The following EPB41L3 variants were observed in gnomAD, a reference collection of about 807,000 sequenced individuals.
EPB41L3 encodes the protein band 4.1-like protein 3.
A neutral mutation model predicts 127.1 loss-of-function variants in EPB41L3; 57 were observed. The observed-to-expected ratio is 0.45, with a 90% confidence interval of 0.36 to 0.56. EPB41L3 has a LOEUF of 0.56. Among genes scored for constraint, EPB41L3 ranks in the 20% least tolerant of loss-of-function variants. EPB41L3 has a pLI of 0.00. For synonymous variants in EPB41L3, 572 were observed against 549.5 expected, an observed-to-expected ratio of 1.04 and a Z score of -0.57; for missense variants, 1,273 against 1,372.2, an observed-to-expected ratio of 0.93 and a Z score of 1.14.
chr18:5,579,814 C>T (rs2094374050), intron 3 of EPB41L3, among the ~76,000 whole-genome samples: 1 of 152,148 alleles, frequency 6.6e-6, no homozygotes, highest in East Asian at 1.9e-4. Flanking sequence ...ATACTGTAAC[C>T]AATGTCTCTA....
chr18:5,496,319 A>G (rs1378173146), intron 1 of EPB41L3, among the ~76,000 whole-genome samples: 1 of 152,224 alleles, frequency 6.6e-6, no homozygotes, highest in Non-Finnish European at 1.5e-5. Context: ...CAGCGCATAA[A>G]TTTGCCTATG....
At chr18:5,602,235 T>C (rs1041969813) in intron 3 of EPB41L3, among the ~76,000 whole-genome samples, 6 of 152,198 alleles carry the variant, frequency 3.9e-5, no homozygotes, top group African/African-American at 1.4e-4. Flanking sequence ...TCCTGTAGTA[T>C]ACACACTAAC....
intron 5 of EPB41L3, among the ~76,000 whole-genome samples, chr18:5,439,378 A>G (rs2080336300): frequency 6.6e-6 from 1 of 152,216 alleles, no homozygotes; most frequent in South Asian, 2.1e-4. Context: ...CCAAACATTC[A>G]GAAGAAGGTA....
chr18:5,464,408 A>G (rs1266106350), intron 3 of EPB41L3, among the ~76,000 whole-genome samples: 1 of 152,184 alleles, frequency 6.6e-6, no homozygotes, highest in East Asian at 1.9e-4. Context: ...GGCTTTCTAC[A>G]CATCAGCCCT....
In EPB41L3 at chr18:5,406,789, A is replaced by G; in HGVS notation, c.2337T>C (p.Leu779=). The change falls in exon 16 of 23, where the codon CTT becomes CTC. Residue 779 remains leucine (L), a synonymous_variant. Transcript: ENST00000341928. The stretch of plus-strand genomic sequence containing the variant: ...CCTGACTACTGACCTCTTCAGGGAC[A>G]AGTGGTTCGATCATGGGGGCATCCT... ...RQEDAPMIEP[L]VPEETKQSSG... is the part of the protein sequence containing the mutation. 2 of 1,614,004 alleles carry G rather than the reference A, an allele frequency of 1.2e-6. No homozygotes were observed. The highest frequency in any genetic ancestry group is 1.7e-6 in the Non-Finnish European group (2 of 1,179,934).
At chr18:5,453,986 CT>C (rs1459030018) in intron 3 of EPB41L3, among the ~76,000 whole-genome samples, 1 of 152,084 alleles carries the variant, frequency 6.6e-6, no homozygotes, top group African/African-American at 2.4e-5. Context: ...TTGAACTTGT[CT>C]TTATTTCTAA....
At chr18:5,437,353 C>T (rs2080006743) in intron 6 of EPB41L3, among the ~76,000 whole-genome samples, 1 of 152,184 alleles carries the variant, frequency 6.6e-6, no homozygotes, top group Non-Finnish European at 1.5e-5. Flanking sequence ...TCACCAGGAC[C>T]TGACCTGCGG....
chr18:5,482,915 T>A (rs1206501354), intron 2 of EPB41L3, among the ~76,000 whole-genome samples: 1 of 152,124 alleles, frequency 6.6e-6, no homozygotes, highest in Non-Finnish European at 1.5e-5. Context: ...AAAATGAACC[T>A]TTCAATGTAT....
At position 5,539,747 on chromosome 18, in the gene EPB41L3, T is replaced by A. The variant is rs1201214602; in HGVS notation, c.-12+4166A>T. ...TGAAATATACTTTATTGCTTCCGAATTTCAGTCTTATCATTTATTCAACAC... is the reference window on the plus strand; with the variant it reads ...TGAAATATACTTTATTGCTTCCGAAATTCAGTCTTATCATTTATTCAACAC... On this transcript the variant is annotated intron_variant, in intron 1 of 22. Coordinates refer to ENST00000341928, the MANE Select transcript of EPB41L3 (RefSeq NM_012307.5). 2.6e-5 allele frequency: 4 copies of A among 152,360 alleles called. No homozygotes were observed. The East Asian group carries it at 7.7e-4, about 29-fold the overall frequency. 9.4% of individuals were successfully genotyped at this position (152,360 alleles called of 1,614,324 possible).
At chr18:5,418,056 G>A (rs527717662) in intron 12 of EPB41L3, among the ~76,000 whole-genome samples, 2 of 152,128 alleles carry the variant, frequency 1.3e-5, no homozygotes, top group South Asian at 4.1e-4. Context: ...TTTGAAGAAG[G>A]AGAAGGATAA....
intron 3 of EPB41L3, among the ~76,000 whole-genome samples, chr18:5,551,450 C>G (rs2093962544): frequency 6.6e-6 from 1 of 152,152 alleles, no homozygotes; most frequent in African/African-American, 2.4e-5. Context: ...GAAGGCTGGG[C>G]ACGGTGGCTC....
chr18:5,497,595 C>G (rs992887447), intron 1 of EPB41L3, among the ~76,000 whole-genome samples: 3 of 152,154 alleles, frequency 2.0e-5, no homozygotes, highest in African/African-American at 7.2e-5. Flanking sequence ...AGACTACCAA[C>G]AAACAAGCGT....
rs114828432 is a variant in EPB41L3 at position 5,489,458 on chromosome 18, G to A, written c.-11-264C>T. The A allele has an allele frequency of 2.2e-3, 908 of 410,392 alleles. 8 individuals are homozygous for A. Among genetic ancestry groups the A allele is most frequent in the African/African-American group, 0.017 (826 of 47,692 alleles). 25.4% of individuals were successfully genotyped at this position (410,392 alleles called of 1,614,324 possible). ...CAGGCTTTATTCCTATTAGATTTTT[G>A]CCACAACGGATTGTTAAATGACATT... On this transcript the variant is annotated intron_variant, in intron 1 of 22. Transcript: ENST00000341928.
intron 1 of EPB41L3, among the ~76,000 whole-genome samples, chr18:5,509,598 C>A (rs1010209189): frequency 6.6e-6 from 1 of 152,188 alleles, no homozygotes; most frequent in Non-Finnish European, 1.5e-5. Flanking sequence ...TGGCTTCACA[C>A]AAAGAAACCG....
Position 5,419,759 on chromosome 18 carries a change from C to T in EPB41L3, c.1458G>A (p.Arg486=), listed in dbSNP as rs757113359. 6 of 1,614,226 alleles carry T rather than the reference C, an allele frequency of 3.7e-6. No individual in the cohort carries two copies. Among genetic ancestry groups the T allele is most frequent in the Admixed American group, 1.7e-5 (1 of 60,032 alleles). Residue 486 remains arginine (R), a synonymous_variant, in exon 12 of 23, where the codon AGG becomes AGA. Coordinates refer to ENST00000341928, the MANE Select transcript of EPB41L3 (RefSeq NM_012307.5). ...AGATGGGCGTGACTTCTTCCCCCTT[C>T]CTCCGTTTGTCCTCTTCCTCGTCCC... The part of the protein sequence containing the change: ...EERDEEEDKR[R]KGEEVTPISA...
chr18:5,433,532 C>A lies in EPB41L3; in HGVS notation c.849G>T (p.Glu283Asp). Residue 283 changes from glutamate (E) to aspartate (D), a missense_variant, in exon 8 of 23, where the codon GAG (glutamate) becomes GAT (aspartate). By Grantham distance (45) the Glu-to-Asp change is conservative. Transcript: ENST00000341928. The part of the protein sequence containing the change: ...SHRGMTPAEA[E>D]MHFLENAKKL... ...TTTTGGCATTTTCCAAGAAATGCAT[C>A]TCTGCTTCTGCTGGCGTCATTCCTC... 1 of 1,613,226 alleles carries A rather than the reference C, an allele frequency of 6.2e-7. No individual in the cohort carries two copies. Among genetic ancestry groups the A allele is most frequent in the Non-Finnish European group, 8.5e-7 (1 of 1,179,822 alleles).
At chr18:5,565,555 T>C (rs1167768245) in intron 3 of EPB41L3, among the ~76,000 whole-genome samples, 2 of 151,512 alleles carry the variant, frequency 1.3e-5, no homozygotes, top group Non-Finnish European at 2.9e-5. Context: ...GCTGCACCCA[T>C]TAACTCGTCA....
intron 12 of EPB41L3, among the ~76,000 whole-genome samples, chr18:5,418,983 G>A (rs2077148465): frequency 6.6e-6 from 1 of 151,998 alleles, no homozygotes; most frequent in South Asian, 2.1e-4. Flanking sequence ...TTATTATTAG[G>A]TATAAGCCTC....
chr18:5,478,519 GCTTT>G lies in EPB41L3; in HGVS notation c.184-85_184-82del, dbSNP rs2087713083. On this transcript the variant is annotated intron_variant, in intron 2 of 22. Coordinates refer to ENST00000341928, the MANE Select transcript of EPB41L3 (RefSeq NM_012307.5). ...ATTGCTCATGCAATAGCACAAAACT[GCTTT>G]CTATTTCATAGAGGAGAGGTATTGA... The G allele has an allele frequency of 6.9e-6, 9 of 1,311,504 alleles. 1 individual carries two copies. In the South Asian group the frequency reaches 1.1e-4, roughly 16 times the overall value. 81.2% of individuals were successfully genotyped at this position (1,311,504 alleles called of 1,614,324 possible).
Sources: allele counts gnomAD v4.1 joint callset (sites outside exome capture counted in the v4.1 genomes callset), GRCh38; gene constraint gnomAD v4.1.1; transcripts MANE v1.5; gene names NCBI Gene and HGNC (gene_info 2026-07-23, HGNC 2026-07-21).